The following PPP6R3 variants were observed in gnomAD, a reference collection of about 807,000 sequenced individuals.
PPP6R3 encodes the protein serine/threonine-protein phosphatase 6 regulatory subunit 3.
Under a neutral mutation model 110.7 loss-of-function variants are expected in PPP6R3, and 38 were observed. The ratio of observed to expected loss-of-function variants is 0.34; its 90% CI spans 0.26 to 0.45. PPP6R3 has a LOEUF of 0.45. PPP6R3 is among the 20% of genes least tolerant of loss of function. The pLI, the probability that PPP6R3 is intolerant of heterozygous loss-of-function variation, is 1.00. For missense variants in PPP6R3, 870 were observed against 1,062.4 expected, an observed-to-expected ratio of 0.82 and a Z score of 2.52; for synonymous variants, 369 against 373.5, an observed-to-expected ratio of 0.99 and a Z score of 0.14.
chr11:68,591,753 A>T, intron 18 of PPP6R3, 47 bp downstream of exon 18: 1 of 1,567,718 alleles, frequency 6.4e-7, no homozygotes, highest in Non-Finnish European at 8.6e-7. Flanking sequence ...ACCTGTAAAG[A>T]AAATGATTAT....
chr11:68,596,728 CTT>C (rs1216320455), intron 19 of PPP6R3, among the ~76,000 whole-genome samples: 1 of 152,198 alleles, frequency 6.6e-6, no homozygotes, highest in Admixed American at 6.5e-5. Context: ...GCTAGGAAGA[CTT>C]GAGTTAGCTG....
At chr11:68,592,434 T>G (rs988073716) in intron 18 of PPP6R3, among the ~76,000 whole-genome samples, 1 of 152,234 alleles carries the variant, frequency 6.6e-6, no homozygotes, top group African/African-American at 2.4e-5. Context: ...AAAGTAAAAC[T>G]GTCTCATCCC....
At chr11:68,543,566 C>CT (rs1205110390) in intron 3 of PPP6R3, among the ~76,000 whole-genome samples, 1 of 152,222 alleles carries the variant, frequency 6.6e-6, no homozygotes, top group East Asian at 1.9e-4. Context: ...GCAGGCAGCA[C>CT]TTGCTTGCCT....
chr11:68,489,552 T>TGTGTGTGTGTGTGTG lies in PPP6R3; in HGVS notation c.-158+28725_-158+28726insGTGTGTGTGTGTGTG, dbSNP rs1491233294. Among the ~76,000 whole-genome samples, 387 of 145,036 alleles carry TGTGTGTGTGTGTGTG rather than the reference T, an allele frequency of 2.7e-3. 5 individuals carry two copies. Among genetic ancestry groups the TGTGTGTGTGTGTGTG allele is most frequent in the Admixed American group, 4.8e-3 (71 of 14,660 alleles). ...CTTTCACTTTGCAGATACTGTGTGTTTGTGTGTGTGTGTGTGTGTGTGTGT... is the reference window on the plus strand; with the variant it reads ...CTTTCACTTTGCAGATACTGTGTGTTGTGTGTGTGTGTGTGTGTGTGTGTGTGTGTGTGTGTGTGT... On this transcript the variant is annotated intron_variant, in intron 1 of 23. Transcript: ENST00000393800.
chr11:68,577,694 C>G (rs1002579722), intron 14 of PPP6R3, among the ~76,000 whole-genome samples: 1 of 152,146 alleles, frequency 6.6e-6, no homozygotes, highest in South Asian at 2.1e-4. Context: ...GTAAATGTTA[C>G]TACATATATC....
chr11:68,515,599 A>G (rs1386062998), intron 1 of PPP6R3, among the ~76,000 whole-genome samples: 3 of 152,214 alleles, frequency 2.0e-5, no homozygotes, highest in African/African-American at 7.2e-5. Context: ...AGCATTCAGC[A>G]TTCGGGATTG....
rs868629694 is a variant in PPP6R3 at position 68,596,652 on chromosome 11, G to A, written c.2038+434G>A. Among the ~76,000 whole-genome samples the A allele has an allele frequency of 1.2e-4, 19 of 152,358 alleles. No individual in the cohort carries two copies. The South Asian group carries it at 3.3e-3, about 27-fold the overall frequency. ...CAAGCATTTCAGTGCGTTCTTCGTA[G>A]TTGATTTCAGAAGCTCACAGCCTTG... On this transcript the variant is annotated intron_variant, in intron 19 of 23. Transcript: ENST00000393800.
intron 23 of PPP6R3, among the ~76,000 whole-genome samples, chr11:68,612,573 CTT>C (rs577479967): frequency 1.4e-5 from 2 of 146,098 alleles, no homozygotes; most frequent in Admixed American, 6.8e-5. Context: ...AAGTGGACAC[CTT>C]TTTTTTTTTT....
At chr11:68,461,519 T>G (rs2098707701) in intron 1 of PPP6R3, among the ~76,000 whole-genome samples, 1 of 151,952 alleles carries the variant, frequency 6.6e-6, no homozygotes, top group Non-Finnish European at 1.5e-5. Context: ...GTCCTTCTTG[T>G]GGCTTGAAGT....
At chr11:68,538,035 G>A (rs1565686109) in intron 3 of PPP6R3, 144 bp downstream of exon 3, 5 of 559,650 alleles carry the variant, frequency 8.9e-6, no homozygotes, top group African/African-American at 2.1e-5. Flanking sequence ...TCGGTGGAGC[G>A]CAAAATCCAT....
At chr11:68,582,540 A>G (rs2099562000) in intron 14 of PPP6R3, among the ~76,000 whole-genome samples, 1 of 152,216 alleles carries the variant, frequency 6.6e-6, no homozygotes, top group Non-Finnish European at 1.5e-5. Context: ...TAGTACTACT[A>G]GACAGTGGTT....
At chr11:68,491,379 T>TGTGTG (rs1491559108) in intron 1 of PPP6R3, among the ~76,000 whole-genome samples, 1 of 125,350 alleles carries the variant, frequency 8.0e-6, no homozygotes, top group Non-Finnish European at 1.8e-5. Context: ...TGTGTGTGTG[T>TGTGTG]TTGAGACAGA....
intron 2 of PPP6R3, among the ~76,000 whole-genome samples, chr11:68,533,804 G>C (rs2099254769): frequency 6.6e-6 from 1 of 150,818 alleles, no homozygotes; most frequent in Non-Finnish European, 1.5e-5. Flanking sequence ...TTTAAAATCA[G>C]CGTAGTAAAC....
intron 1 of PPP6R3, among the ~76,000 whole-genome samples, chr11:68,494,515 T>C (rs539975443): frequency 2.0e-4 from 31 of 152,142 alleles, no homozygotes; most frequent in African/African-American, 7.2e-4. Context: ...TAGTTTTAAT[T>C]ATTTGTGATT....
At chr11:68,490,306 C>T (rs1219785392) in intron 1 of PPP6R3, among the ~76,000 whole-genome samples, 1 of 152,014 alleles carries the variant, frequency 6.6e-6, no homozygotes, top group African/African-American at 2.4e-5. Context: ...TAATTCTTGC[C>T]TTTGCTACCC....
At chr11:68,542,331 G>A (rs1317298186) in intron 3 of PPP6R3, among the ~76,000 whole-genome samples, 1 of 149,796 alleles carries the variant, frequency 6.7e-6, no homozygotes, top group Non-Finnish European at 1.5e-5. Context: ...GCCTATGGAG[G>A]AGGAGGGGTC....
At chr11:68,583,500 C>T (rs933454875) in intron 15 of PPP6R3, among the ~76,000 whole-genome samples, 10 of 152,104 alleles carry the variant, frequency 6.6e-5, no homozygotes, top group South Asian at 2.1e-4. Flanking sequence ...AGAAATAAGA[C>T]GTTTAAAATG....
intron 6 of PPP6R3, among the ~76,000 whole-genome samples, chr11:68,553,279 T>G (rs2099387721): frequency 6.6e-6 from 1 of 151,946 alleles, no homozygotes; most frequent in African/African-American, 2.4e-5. Context: ...TCCAGAAAAC[T>G]GTATTTGCTT....
chr11:68,494,408 CAAAAAAAAA>C (rs35190764), intron 1 of PPP6R3, among the ~76,000 whole-genome samples: 10 of 60,382 alleles, frequency 1.7e-4, no homozygotes, highest in African/African-American at 5.3e-4. Flanking sequence ...CCTGTAATCT[CAAAAAAAAA>C]AAAAAAAAAA....
Sources: allele counts gnomAD v4.1 joint callset (sites outside exome capture counted in the v4.1 genomes callset), GRCh38; gene constraint gnomAD v4.1.1; transcripts MANE v1.5; gene names NCBI Gene and HGNC (gene_info 2026-07-23, HGNC 2026-07-21).